Variants in SEPTIN8 observed in about 807,000 individuals in gnomAD.
SEPTIN8 encodes the protein septin-8.
A neutral mutation model predicts 53.1 loss-of-function variants in SEPTIN8; 22 were observed. That is an observed-to-expected ratio of 0.41 (90% CI 0.30 to 0.59). The LOEUF (loss-of-function observed/expected upper bound fraction) is 0.59. Among genes scored for constraint, SEPTIN8 ranks in the 20% least tolerant of loss-of-function variants. SEPTIN8 has a pLI of 0.24. For synonymous variants in SEPTIN8, 228 were observed against 248.4 expected, an observed-to-expected ratio of 0.92 and a Z score of 0.77; for missense variants, 536 against 638.7, an observed-to-expected ratio of 0.84 and a Z score of 1.73.
At chr5:132,753,062 T>TA (rs1755003594) in intron 9 of SEPTIN8, 2 of 1,024,036 alleles carry the variant, frequency 2.0e-6, no homozygotes, top group South Asian at 2.8e-5. Flanking sequence ...ATGAATCCTG[T>TA]AAAAAGGGAA....
chr5:132,759,437 G>A (rs1008782481), intron 9 of SEPTIN8, among the ~76,000 whole-genome samples: 3 of 152,120 alleles, frequency 2.0e-5, no homozygotes, highest in African/African-American at 7.2e-5. Context: ...CACCTTCACT[G>A]GCCCTCAGAC....
chr5:132,777,284 G>C, upstream of SEPTIN8: 1 of 1,105,200 alleles, frequency 9.0e-7, no homozygotes, highest in Non-Finnish European at 1.1e-6. The surrounding 1 kb of genome is among the most constrained non-coding windows in gnomAD (Gnocchi z 4.1). Context: ...TGGCGGCGGC[G>C]GCGGGAGAAG....
chr5:132,762,035 C>G (rs1756031163), intron 5 of SEPTIN8, 139 bp from the exon 6 acceptor site: 2 of 704,562 alleles, frequency 2.8e-6, no homozygotes, highest in Non-Finnish European at 4.6e-6. Context: ...CTTCCTGGCT[C>G]TCTTCTGGAG....
rs553722900 is a variant in SEPTIN8, at chr5:132,760,116, G to T, written c.1286+686C>A. Reference sequence around the variant, plus strand: ...CGCTTTCCTCCCTTAAGCCCTGCGGGCCCTTCAGAACAGCTGTGTGGTGAC... The same window carrying T: ...CGCTTTCCTCCCTTAAGCCCTGCGGTCCCTTCAGAACAGCTGTGTGGTGAC... On this transcript the variant is annotated intron_variant, in intron 9 of 9. Coordinates refer to ENST00000378719, the MANE Select transcript of SEPTIN8 (RefSeq NM_001098811.2). This position sits in a 1 kb window ranked among gnomAD's most constrained non-coding sequence, Gnocchi z 5.2. Among the ~76,000 whole-genome samples, 1 of 152,104 alleles carries T rather than the reference G, an allele frequency of 6.6e-6. No homozygotes were observed. The highest frequency in any genetic ancestry group is 1.5e-5 in the Non-Finnish European group (1 of 68,022).
intron 9 of SEPTIN8, among the ~76,000 whole-genome samples, chr5:132,759,408 C>G (rs1333116128): frequency 6.6e-6 from 1 of 152,194 alleles, no homozygotes; most frequent in Non-Finnish European, 1.5e-5. Context: ...TGCTGGTGTC[C>G]TTTCAGCCTG....
intron 9 of SEPTIN8, chr5:132,758,172 C>T (rs1185098201): frequency 9.4e-7 from 1 of 1,069,500 alleles, no homozygotes. Flanking sequence ...TTACCCACCT[C>T]TCCCTGTATA....
At position 132,761,916 on chromosome 5, in the gene SEPTIN8, T is replaced by C. The variant is rs1270964352; in HGVS notation, c.697-20A>G. The C allele has an allele frequency of 6.4e-7, 1 of 1,561,876 alleles. No homozygotes were observed. Among genetic ancestry groups the C allele is most frequent in the Admixed American group, 1.9e-5 (1 of 52,698 alleles). Reference sequence around the variant, plus strand: ...ATGTGCCTGGAAAGGGGCCCGGGTATGCGTAAGCCCTGAGCTGACACAGAC... The same window carrying C: ...ATGTGCCTGGAAAGGGGCCCGGGTACGCGTAAGCCCTGAGCTGACACAGAC... On this transcript the variant is annotated intron_variant, in intron 5 of 9. Transcript: ENST00000378719. The surrounding 1 kb of genome is among the most constrained non-coding windows in gnomAD (Gnocchi z 5.8).
At chr5:132,758,059 G>C (rs757137806) in intron 9 of SEPTIN8, 1 of 997,490 alleles carries the variant, frequency 1.0e-6, no homozygotes, top group African/African-American at 1.7e-5. Context: ...GCTTTGGGCT[G>C]CTGTTCCATT....
intron 1 of SEPTIN8, among the ~76,000 whole-genome samples, chr5:132,775,398 TTGTGTCCTTACCA>T (rs1019992818): frequency 6.6e-6 from 1 of 152,202 alleles, no homozygotes; most frequent in African/African-American, 2.4e-5. Context: ...ATATTATTTA[TTGTGTCCTTACCA>T]TGTGCCAGAC....
intron 9 of SEPTIN8, chr5:132,758,598 A>G (rs754805472): frequency 1.2e-6 from 2 of 1,606,778 alleles, no homozygotes; most frequent in Admixed American, 1.7e-5. Context: ...TCCAGCATTC[A>G]TGGCTTTTAC....
At chr5:132,772,156 C>T (rs1435140791) in intron 1 of SEPTIN8, among the ~76,000 whole-genome samples, 1 of 152,204 alleles carries the variant, frequency 6.6e-6, no homozygotes, top group Non-Finnish European at 1.5e-5. Flanking sequence ...ATCCCCTGAC[C>T]CCAATACTCC....
chr5:132,754,274 A>G, intron 9 of SEPTIN8: 1 of 642,050 alleles, frequency 1.6e-6, no homozygotes, highest in Non-Finnish European at 2.9e-6. Flanking sequence ...CTAGTCCAGA[A>G]CCCATTTTAC....
At chr5:132,752,859 A>G (rs1754978575) in intron 9 of SEPTIN8, 1 of 1,612,050 alleles carries the variant, frequency 6.2e-7, no homozygotes, top group African/African-American at 1.3e-5. Context: ...ACTCTATTCT[A>G]ATACAGGTTG....
In SEPTIN8 at chr5:132,760,767, A is replaced by G. The variant is rs373342848; in HGVS notation, c.1286+35T>C. 19 of 1,594,304 alleles carry G rather than the reference A, an allele frequency of 1.2e-5. No homozygotes were observed. The highest frequency in any genetic ancestry group is 2.7e-5 in the African/African-American group (2 of 73,960). On this transcript the variant is annotated intron_variant, in intron 9 of 9. Transcript: ENST00000378719. This position sits in a 1 kb window ranked among gnomAD's most constrained non-coding sequence, Gnocchi z 5.2. ...AACGAAAGCAAGAGCCCACAGGAGC[A>G]AGAGGAGCCAGCGCAGGCGCAGCCT... is the stretch of plus-strand genomic sequence containing the variant.
At position 132,773,109 on chromosome 5, in the gene SEPTIN8, C is replaced by A. The variant is rs192507534; in HGVS notation, c.30+3999G>T. Among the ~76,000 whole-genome samples, 260 of 152,364 alleles carry A rather than the reference C, an allele frequency of 1.7e-3. 4 individuals are homozygous for A. The highest frequency in any genetic ancestry group is 5.8e-3 in the African/African-American group (242 of 41,578). ...TCTTCCCAGCCAGTTCTTTCAGGAG[C>A]TCTGAAGGTTCAGATGGCTCCAAAA... On this transcript the variant is annotated intron_variant, in intron 1 of 9. Coordinates refer to ENST00000378719, the MANE Select transcript of SEPTIN8 (RefSeq NM_001098811.2). This position sits in a 1 kb window ranked among gnomAD's most constrained non-coding sequence, Gnocchi z 4.2.
chr5:132,762,971 C>T (rs771031155), intron 4 of SEPTIN8, among the ~76,000 whole-genome samples: 11 of 152,154 alleles, frequency 7.2e-5, no homozygotes, highest in Non-Finnish European at 1.2e-4. Context: ...TGGGGCCTAA[C>T]AGAAGGAGTG....
intron 9 of SEPTIN8, chr5:132,756,656 G>A (rs1755369432): frequency 2.0e-6 from 2 of 985,492 alleles, no homozygotes; most frequent in African/African-American, 1.7e-5. Context: ...GAGAGGTGCA[G>A]TGAGGCTTGC....
At chr5:132,754,604 G>C (rs1376424422) in intron 9 of SEPTIN8, 1 of 701,194 alleles carries the variant, frequency 1.4e-6, no homozygotes, top group African/African-American at 1.8e-5. Flanking sequence ...ATAAATGATA[G>C]AACTCTTCTA....
chr5:132,751,586 A>ACGAAAACTGGC lies in SEPTIN8; in HGVS notation c.*419_*429dup, dbSNP rs1387533825. 3 of 285,598 alleles carry ACGAAAACTGGC rather than the reference A, an allele frequency of 1.1e-5. No homozygotes were observed. The highest frequency in any genetic ancestry group is 6.7e-5 in the African/African-American group (3 of 44,874). The allele number at this position is 285,598 out of a possible 1,614,324, so 17.7% of individuals were successfully genotyped here. A position where few individuals can be genotyped will look rare whatever the true frequency, so the allele number is the denominator to read the frequency against. On this transcript the variant is annotated 3_prime_UTR_variant, in exon 10 of 10. Transcript: ENST00000378719. ...TTAAATTACTAAAGACTGTTTCATT[A>ACGAAAACTGGC]CGAAAACTGGCCACCGTTGCCAAGT...
Sources: allele counts gnomAD v4.1 joint callset (sites outside exome capture counted in the v4.1 genomes callset), GRCh38; gene constraint gnomAD v4.1.1; non-coding constraint Gnocchi (gnomAD v3.1); transcripts MANE v1.5; gene names NCBI Gene and HGNC (gene_info 2026-07-23, HGNC 2026-07-21).